The following IGFALS variants were observed in gnomAD, a reference collection of about 807,000 sequenced individuals.
IGFALS encodes the protein insulin-like growth factor-binding protein complex acid labile subunit.
In IGFALS, 2 loss-of-function variants were observed where a neutral mutation model predicts 2.6. The ratio of observed to expected loss-of-function variants is 0.77; its 90% CI spans 0.32 to 2.44. The LOEUF (loss-of-function observed/expected upper bound fraction) is 2.44. IGFALS is among the 30% of genes most tolerant of loss of function. The pLI is 0.11. For missense variants in IGFALS, 996 were observed against 848.7 expected (o/e 1.17, Z -2.16); for synonymous variants, 519 against 431.9 (o/e 1.20, Z -2.50).
chr16:1,791,335 G>A lies in IGFALS; in HGVS notation c.1083C>T (p.Leu361=), dbSNP rs752299042. The A allele has an allele frequency of 6.2e-6, 10 of 1,608,194 alleles. No individual in the cohort carries two copies. Among genetic ancestry groups the A allele is most frequent in the Admixed American group, 3.3e-5 (2 of 60,006 alleles). Residue 361 remains leucine, a synonymous_variant, in exon 2 of 2, where the codon CTC becomes CTT. Transcript: ENST00000215539. Reference sequence around the variant, plus strand: ...AGAGGTTCATGACCGCCACGTTGGTGAGGCCGAGGAAAGCGCCCGCCTTGA... The same window carrying A: ...AGAGGTTCATGACCGCCACGTTGGTAAGGCCGAGGAAAGCGCCCGCCTTGA... ...QEVKAGAFLG[L]TNVAVMNLSG... is the part of the protein sequence containing the mutation.
At position 1,791,646 on chromosome 16, in the gene IGFALS, C is replaced by T; in HGVS notation, c.772G>A (p.Ala258Thr). ...TTCAGGCCCAGGAAGGCGCCCGGGGCCACGGCAGCGATGAGGTTGCGGTCC... is the reference window on the plus strand; with the variant it reads ...TTCAGGCCCAGGAAGGCGCCCGGGGTCACGGCAGCGATGAGGTTGCGGTCC... ...YLDRNLIAAV[A>T]PGAFLGLKAL... Residue 258 changes from alanine to threonine, a missense_variant, in exon 2 of 2, where the codon GCC (alanine) becomes ACC (threonine). By Grantham distance (58) the Ala-to-Thr change is moderately conservative. Coordinates refer to ENST00000215539, the MANE Select transcript of IGFALS (RefSeq NM_004970.3). 4 of 1,580,308 alleles carry T rather than the reference C, an allele frequency of 2.5e-6. No individual in the cohort carries two copies. Among genetic ancestry groups the T allele is most frequent in the Non-Finnish European group, 3.4e-6 (4 of 1,165,820 alleles).
intron 1 of IGFALS, 83 bp downstream of exon 1, chr16:1,793,554 G>C (rs1897276904): frequency 7.2e-7 from 1 of 1,380,004 alleles, no homozygotes; most frequent in Admixed American, 2.0e-5. Flanking sequence ...TTCCTTGGGG[G>C]CTACCCCGGC....
upstream of IGFALS, among the ~76,000 whole-genome samples, chr16:1,794,183 G>A (rs1030263150): frequency 1.3e-5 from 2 of 152,080 alleles, no homozygotes; most frequent in Non-Finnish European, 2.9e-5. Context: ...CCGCCCTCCC[G>A]GGGGTTCCCT....
Position 1,791,078 on chromosome 16 carries a change from G to A in IGFALS, c.1340C>T (p.Thr447Met), listed in dbSNP as rs571715026. The stretch of plus-strand genomic sequence containing the variant: ...CTGGAAGAGGCGGTGGGGCAGGTGC[G>A]TGAGCTGGTTGGAGGTCAGGTCGAG... The part of the protein sequence containing the change: ...LELDLTSNQL[T>M]HLPHRLFQGL... Residue 447 changes from threonine (T) to methionine (M), a missense_variant, in exon 2 of 2, where the codon ACG becomes ATG. Physicochemically the swap from Thr to Met is moderately conservative, Grantham distance 81 (BLOSUM62 -1). Coordinates refer to ENST00000215539, the MANE Select transcript of IGFALS (RefSeq NM_004970.3). The A allele has an allele frequency of 3.7e-5, 59 of 1,599,170 alleles. 1 individual carries two copies. The highest frequency in any genetic ancestry group is 7.7e-5 in the South Asian group (7 of 91,058).
rs371342705 is a variant in IGFALS at position 1,790,673 on chromosome 16, G to A, written c.1745C>T (p.Thr582Ile). 21 of 1,605,220 alleles carry A rather than the reference G, an allele frequency of 1.3e-5. No individual in the cohort carries two copies. The African/African-American group carries it at 2.7e-4, about 20-fold the overall frequency. Residue 582 changes from threonine to isoleucine, a missense_variant, in exon 2 of 2, where the codon ACC (threonine) becomes ATC (isoleucine). Physicochemically the swap from Thr to Ile is moderately conservative, Grantham distance 89. Transcript: ENST00000215539. ...CACGACCTCGGGCGGGCTGGCACAG[G>A]TGATGTTGTTGTAGGTGTACGCGGG... is the stretch of plus-strand genomic sequence containing the variant. ...QPPAYTYNNI[T>I]CASPPEVVGL... is the part of the protein sequence containing the mutation.
Position 1,791,146 on chromosome 16 carries a change from G to A in IGFALS, c.1272C>T (p.Gly424=). 6.2e-7 allele frequency: 1 copy of A among 1,605,862 alleles called. No homozygotes were observed. Residue 424 remains glycine (G), a synonymous_variant, in exon 2 of 2, where the codon GGC becomes GGT. Coordinates refer to ENST00000215539, the MANE Select transcript of IGFALS (RefSeq NM_004970.3). ...RLFLKDNGLV[G]IEEQSLWGLA... ...GCCCCCACAGGCTCTGCTCCTCAAT[G>A]CCCACGAGGCCGTTGTCCTTGAGGA...
In IGFALS at chr16:1,790,425, G is replaced by A. The variant is rs761476982; in HGVS notation, c.*175C>T. The A allele has an allele frequency of 2.3e-4, 158 of 673,792 alleles. No homozygotes were observed. The highest frequency in any genetic ancestry group is 9.5e-5 in the South Asian group (6 of 63,126). 41.7% of individuals were successfully genotyped at this position (673,792 alleles called of 1,614,324 possible). A position where few individuals can be genotyped will look rare whatever the true frequency, so the allele number is the denominator to read the frequency against. On this transcript the variant is annotated 3_prime_UTR_variant, in exon 2 of 2. Transcript: ENST00000215539. Reference sequence around the variant, plus strand: ...CCCACTGTGCCTGTTAGATTCGATTGCCTTTGCCTTTAATTGATGACAGCT... The same window carrying A: ...CCCACTGTGCCTGTTAGATTCGATTACCTTTGCCTTTAATTGATGACAGCT...
Position 1,792,166 on chromosome 16 carries a change from G to C in IGFALS, c.252C>G (p.Asn84Lys), listed in dbSNP as rs778211187. The C allele has an allele frequency of 6.2e-7, 1 of 1,611,372 alleles. No individual in the cohort carries two copies. The highest frequency in any genetic ancestry group is 8.5e-7 in the Non-Finnish European group (1 of 1,179,698). ...GGTQALWLDG[N>K]NLSSVPPAAF... is the part of the protein sequence containing the mutation. ...CTGCCGGGGGGACGGACGAGAGGTT[G>C]TTGCCGTCCAGCCACAGGGCTTGGG... Residue 84 changes from asparagine to lysine, a missense_variant, in exon 2 of 2, where the codon AAC (asparagine) becomes AAG (lysine). Asn to Lys is a moderately conservative substitution (Grantham distance 94, BLOSUM62 0). Coordinates refer to ENST00000215539, the MANE Select transcript of IGFALS (RefSeq NM_004970.3).
intron 1 of IGFALS, among the ~76,000 whole-genome samples, chr16:1,792,797 C>T (rs947060773): frequency 9.9e-5 from 15 of 152,216 alleles, no homozygotes; most frequent in Non-Finnish European, 1.6e-4. Context: ...GGCCAAGGTC[C>T]GGCCATTTTC....
At chr16:1,792,997 G>A (rs948931453) in intron 1 of IGFALS, among the ~76,000 whole-genome samples, 10 of 152,218 alleles carry the variant, frequency 6.6e-5, no homozygotes, top group Admixed American at 6.5e-5. Flanking sequence ...ACCCTGGACC[G>A]TCGGCCACCA....
Position 1,792,072 on chromosome 16 carries a change from G to A in IGFALS, c.346C>T (p.Gln116Ter). The A allele has an allele frequency of 6.2e-7, 1 of 1,609,964 alleles. No homozygotes were observed. Among genetic ancestry groups the A allele is most frequent in the Non-Finnish European group, 8.5e-7 (1 of 1,179,170 alleles). Residue 116 changes from glutamine (Q) to a stop codon, truncating the protein, a stop_gained, in exon 2 of 2, where the codon CAG (glutamine) becomes TAG (stop). Transcript: ENST00000215539. LOFTEE classifies it low-confidence loss of function (END_TRUNC). ...AGGTTCTCTAGGCCCAGCAGCGCCTGTGGCTCCAGGCTGCCCAGCTGGCCG... is the reference window on the plus strand; with the variant it reads ...AGGTTCTCTAGGCCCAGCAGCGCCTATGGCTCCAGGCTGCCCAGCTGGCCG... ...QGGQLGSLEP[Q>*]ALLGLENLCH... is the part of the protein sequence containing the mutation.
At position 1,792,139 on chromosome 16, in the gene IGFALS, G is replaced by A; in HGVS notation, c.279C>T (p.Ala93=). 6.2e-7 allele frequency: 1 copy of A among 1,611,560 alleles called. No homozygotes were observed. Among genetic ancestry groups the A allele is most frequent in the East Asian group, 2.2e-5 (1 of 44,826 alleles). The change falls in exon 2 of 2, where the codon GCC becomes GCT. Residue 93 remains alanine (A), a synonymous_variant. Transcript: ENST00000215539. ...GNNLSSVPPA[A]FQNLSSLGFL... Reference sequence around the variant, plus strand: ...AGCCCAGGCTGGAGAGGTTCTGGAAGGCTGCCGGGGGGACGGACGAGAGGT... The same window carrying A: ...AGCCCAGGCTGGAGAGGTTCTGGAAAGCTGCCGGGGGGACGGACGAGAGGT...
chr16:1,793,523 C>T lies in IGFALS; in HGVS notation c.16+114G>A, dbSNP rs34647382. ...CTCCCCAGAGTCCCCCGCAGACCCC[C>T]AGAGCTGAGCCCCCCAGAGCTTCCT... On this transcript the variant is annotated intron_variant, in intron 1 of 1. Coordinates refer to ENST00000215539, the MANE Select transcript of IGFALS (RefSeq NM_004970.3). 52 of 999,460 alleles carry T rather than the reference C, an allele frequency of 5.2e-5. 1 individual carries two copies. The Admixed American group carries it at 1.0e-3, about 19-fold the overall frequency. 61.9% of individuals were successfully genotyped at this position (999,460 alleles called of 1,614,324 possible). A position where few individuals can be genotyped will look rare whatever the true frequency, so the allele number is the denominator to read the frequency against.
rs1390900765 is a variant in IGFALS at position 1,791,571 on chromosome 16, C to T, written c.847G>A (p.Glu283Lys). 2 of 1,564,314 alleles carry T rather than the reference C, an allele frequency of 1.3e-6. No individual in the cohort carries two copies. The highest frequency in any genetic ancestry group is 2.7e-5 in the African/African-American group (2 of 73,680). ...LSHNRVAGLL[E>K]DTFPGLLGLR... is the part of the protein sequence containing the mutation. Reference sequence around the variant, plus strand: ...CCCAGCAGACCGGGGAACGTGTCCTCCAGGAGGCCAGCCACGCGGTTGTGG... The same window carrying T: ...CCCAGCAGACCGGGGAACGTGTCCTTCAGGAGGCCAGCCACGCGGTTGTGG... The change falls in exon 2 of 2, where the codon GAG (glutamate) becomes AAG (lysine). Residue 283 changes from glutamate to lysine, a missense_variant. Physicochemically the swap from Glu to Lys is moderately conservative, Grantham distance 56 (BLOSUM62 1). Transcript: ENST00000215539.
upstream of IGFALS, chr16:1,794,737 G>C: frequency 1.5e-6 from 1 of 669,058 alleles, no homozygotes; most frequent in South Asian, 1.6e-5. Flanking sequence ...GTGGGAAAGT[G>C]TGCAGGGAAG....
Position 1,791,134 on chromosome 16 carries a change from C to T in IGFALS, c.1284G>A (p.Gln428=). 1 of 1,605,014 alleles carries T rather than the reference C, an allele frequency of 6.2e-7. No individual in the cohort carries two copies. Among genetic ancestry groups the T allele is most frequent in the Non-Finnish European group, 8.5e-7 (1 of 1,179,778 alleles). Residue 428 remains glutamine (Q), a synonymous_variant, in exon 2 of 2, where the codon CAG becomes CAA. Coordinates refer to ENST00000215539, the MANE Select transcript of IGFALS (RefSeq NM_004970.3). ...KDNGLVGIEE[Q]SLWGLAELLE... is the part of the protein sequence containing the mutation. ...GCAGCTCCGCCAGCCCCCACAGGCT[C>T]TGCTCCTCAATGCCCACGAGGCCGT...
chr16:1,791,429 G>T lies in IGFALS; in HGVS notation c.989C>A (p.Ala330Asp), dbSNP rs777523952. The change falls in exon 2 of 2, where the codon GCT (alanine) becomes GAT (aspartate). Residue 330 changes from alanine (A) to aspartate (D), a missense_variant. By Grantham distance (126) the Ala-to-Asp change is moderately radical (BLOSUM62 -2). Transcript: ENST00000215539. ...QLGHNRIRQL[A>D]ERSFEGLGQL... is the part of the protein sequence containing the mutation. ...CCCCAGGCCCTCAAAGCTGCGCTCA[G>T]CCAGCTGCCGGATGCGGTTGTGGCC... 30 of 1,612,100 alleles carry T rather than the reference G, an allele frequency of 1.9e-5. No individual in the cohort carries two copies. Among genetic ancestry groups the T allele is most frequent in the Non-Finnish European group, 2.2e-5 (26 of 1,179,966 alleles).
chr16:1,794,787 G>C, upstream of IGFALS: 1 of 697,016 alleles, frequency 1.4e-6, no homozygotes, highest in Non-Finnish European at 2.6e-6. Flanking sequence ...GCCAGGGCTC[G>C]GGGAGACCAC....
At position 1,790,996 on chromosome 16, in the gene IGFALS, C is replaced by A; in HGVS notation, c.1422G>T (p.Pro474=). 1.3e-6 allele frequency: 2 copies of A among 1,597,676 alleles called. No individual in the cohort carries two copies. The highest frequency in any genetic ancestry group is 1.7e-6 in the Non-Finnish European group (2 of 1,179,488). ...GCTGCAGGGGGCCCAGGGCGTCCGC[C>A]GGCAGCTCTGCCAGGCGGTTGCGGG... ...LLSRNRLAEL[P]ADALGPLQRA... Residue 474 remains proline, a synonymous_variant, in exon 2 of 2, where the codon CCG becomes CCT. Coordinates refer to ENST00000215539, the MANE Select transcript of IGFALS (RefSeq NM_004970.3).
Sources: allele counts gnomAD v4.1 joint callset (sites outside exome capture counted in the v4.1 genomes callset), GRCh38; gene constraint gnomAD v4.1.1; transcripts MANE v1.5; gene names NCBI Gene and HGNC (gene_info 2026-07-23, HGNC 2026-07-21).